Variants in ORC1 observed in about 807,000 individuals in gnomAD.
The protein encoded by ORC1 is origin recognition complex subunit 1, also known as origin recognition complex, subunit 1 homolog.
ORC1 carries 61 observed loss-of-function variants against 98.9 expected under a neutral mutation model. The ratio of observed to expected loss-of-function variants is 0.62; its 90% confidence interval spans 0.50 to 0.76. The LOEUF (loss-of-function observed/expected upper bound fraction) is 0.76. Ranked by LOEUF, ORC1 falls within the 30% of genes least tolerant of loss-of-function variation. The pLI, the probability that ORC1 is intolerant of heterozygous loss-of-function variation, is 0.00. For synonymous variants in ORC1, 385 were observed against 406.9 expected (o/e 0.95, Z 0.65); for missense variants, 979 against 1,072.2 (o/e 0.91, Z 1.21).
chr1:52,400,105 A>T (rs1647632297), intron 3 of ORC1, among the ~76,000 whole-genome samples: 1 of 152,154 alleles, frequency 6.6e-6, no homozygotes, highest in African/African-American at 2.4e-5. Flanking sequence ...ACTGGACATT[A>T]GTTTGATGAG....
At chr1:52,385,588 T>A (rs531824371) in intron 9 of ORC1, among the ~76,000 whole-genome samples, 35 of 152,226 alleles carry the variant, frequency 2.3e-4, no homozygotes, top group Non-Finnish European at 3.8e-4. Flanking sequence ...CTGTCCTGAC[T>A]AATCATCTTC....
chr1:52,402,361 T>TTAA (rs1647753719), intron 1 of ORC1, 133 bp from the exon 2 acceptor site: 18 of 722,480 alleles, frequency 2.5e-5, no homozygotes, highest in South Asian at 2.3e-4. Flanking sequence ...CTCCCATACA[T>TTAA]TTTAGACTAA....
At chr1:52,391,891 C>G (rs1312616936) in intron 6 of ORC1, among the ~76,000 whole-genome samples, 1 of 149,602 alleles carries the variant, frequency 6.7e-6, no homozygotes, top group East Asian at 2.0e-4. Flanking sequence ...GAGCAAGACT[C>G]CCGCTCAAAA....
intron 9 of ORC1, among the ~76,000 whole-genome samples, 161 bp downstream of exon 9, chr1:52,385,691 T>C (rs1647132775): frequency 6.6e-6 from 1 of 152,220 alleles, no homozygotes; most frequent in South Asian, 2.1e-4. Context: ...GAGAGGTTTC[T>C]TTTTTCTAAA....
chr1:52,396,028 A>G lies in ORC1; in HGVS notation c.721+18T>C, dbSNP rs1647375563. The G allele has an allele frequency of 6.2e-7, 1 of 1,614,130 alleles. No homozygotes were observed. The highest frequency in any genetic ancestry group is 1.1e-5 in the South Asian group (1 of 91,072). ...TTTAGCCCCAGTATTGCCCACGGTG[A>G]TCCATTCCACAACTTACTGCCAAGC... is the stretch of plus-strand genomic sequence containing the variant. On this transcript the variant is annotated intron_variant, in intron 5 of 16. Transcript: ENST00000371568.
chr1:52,399,623 C>CAAAAAA (rs1198516466), intron 3 of ORC1, among the ~76,000 whole-genome samples: 1 of 64,116 alleles, frequency 1.6e-5, no homozygotes, highest in Non-Finnish European at 3.3e-5. Flanking sequence ...GACTCTGTCT[C>CAAAAAA]AAAAAAAAAA....
upstream of ORC1, chr1:52,408,371 A>G (rs1000742463): frequency 2.8e-6 from 2 of 709,410 alleles, no homozygotes; most frequent in African/African-American, 3.5e-5. Flanking sequence ...CACAGCCATA[A>G]ATGGTAGCAT....
chr1:52,401,242 C>G, intron 3 of ORC1, 120 bp downstream of exon 3: 1 of 1,283,910 alleles, frequency 7.8e-7, no homozygotes, highest in Non-Finnish European at 1.1e-6. Flanking sequence ...CTAGTTCTTA[C>G]GTGATCCCAC....
intron 3 of ORC1, among the ~76,000 whole-genome samples, chr1:52,398,994 T>C (rs1417854631): frequency 6.6e-6 from 1 of 152,150 alleles, no homozygotes; most frequent in Non-Finnish European, 1.5e-5. Flanking sequence ...AAAGGTCACA[T>C]GACCAACTGC....
intron 8 of ORC1, among the ~76,000 whole-genome samples, chr1:52,387,599 A>G (rs1569930204): frequency 6.6e-6 from 1 of 152,184 alleles, no homozygotes; most frequent in Non-Finnish European, 1.5e-5. Flanking sequence ...CTGGGATTAC[A>G]GGCACCTGCC....
chr1:52,387,059 C>A (rs1647152008), intron 8 of ORC1, among the ~76,000 whole-genome samples: 2 of 152,126 alleles, frequency 1.3e-5, no homozygotes, highest in Admixed American at 1.3e-4. Context: ...GGCTTCTGCC[C>A]TTTTTTATTA....
intron 3 of ORC1, among the ~76,000 whole-genome samples, chr1:52,400,299 GCACGGATA>G (rs1412912761): frequency 1.3e-5 from 2 of 152,202 alleles, no homozygotes; most frequent in Non-Finnish European, 2.9e-5. Flanking sequence ...ATACTGTACA[GCACGGATA>G]CACTGGACAA....
chr1:52,394,090 C>T (rs1253846189), intron 5 of ORC1, among the ~76,000 whole-genome samples: 1 of 152,152 alleles, frequency 6.6e-6, no homozygotes, highest in Non-Finnish European at 1.5e-5. Flanking sequence ...CCTGAAATAA[C>T]CTATCAGAAC....
At chr1:52,376,948 C>CG (rs1647002519) in intron 14 of ORC1, among the ~76,000 whole-genome samples, 1 of 152,158 alleles carries the variant, frequency 6.6e-6, no homozygotes, top group Non-Finnish European at 1.5e-5. Context: ...TCACGCAGAA[C>CG]GGATGGCAGG....
Position 52,385,873 on chromosome 1 carries a change from A to T in ORC1, c.1460T>A (p.Val487Glu), listed in dbSNP as rs368524345. The change falls in exon 9 of 17, where the codon GTG becomes GAG. Residue 487 changes from valine (V) to glutamate (E), a missense_variant. Coordinates refer to ENST00000371568, the MANE Select transcript of ORC1 (RefSeq NM_004153.4). ...RSLAAQEPAS[V>E]LEEARLRLHV... is the part of the protein sequence containing the mutation. ...GTACCTCAGTCGGGCTTCCTCCAGC[A>T]CACTGGCTGGCTCCTGGGCAGCCAG... 1.9e-6 allele frequency: 3 copies of T among 1,613,588 alleles called. No individual in the cohort carries two copies. Among genetic ancestry groups the T allele is most frequent in the Non-Finnish European group, 2.5e-6 (3 of 1,179,770 alleles).
chr1:52,399,600 G>C (rs1459685864), intron 3 of ORC1, among the ~76,000 whole-genome samples: 1 of 144,084 alleles, frequency 6.9e-6, no homozygotes, highest in African/African-American at 2.6e-5. Context: ...CTCCAGACTG[G>C]GCGACACAGC....
Position 52,373,025 on chromosome 1 carries a change from G to C in ORC1, c.*156C>G. ...CATGTGCCTGTAGTTTCAGCCACCT[G>C]GGAGGATGAGGTTGGGGGGTCACCT... On this transcript the variant is annotated 3_prime_UTR_variant, in exon 17 of 17. Transcript: ENST00000371568. 2.5e-6 allele frequency: 2 copies of C among 796,388 alleles called. 1 individual carries two copies. Among genetic ancestry groups the C allele is most frequent in the South Asian group, 2.7e-5 (2 of 72,730 alleles). The allele number at this position is 796,388 out of a possible 1,614,324, so 49.3% of individuals were successfully genotyped here.
intron 1 of ORC1, among the ~76,000 whole-genome samples, 157 bp from the exon 2 acceptor site, chr1:52,402,385 T>C (rs929410359): frequency 1.3e-5 from 2 of 152,238 alleles, no homozygotes; most frequent in African/African-American, 4.8e-5. Flanking sequence ...AACATTTTAT[T>C]TGAAGTCATG....
At chr1:52,386,013 G>T in intron 8 of ORC1, 64 bp from the exon 9 acceptor site, 1 of 1,172,476 alleles carries the variant, frequency 8.5e-7, no homozygotes, top group Non-Finnish European at 1.3e-6. Flanking sequence ...GGACACACCA[G>T]CAAATGTGAT....
Sources: gnomAD v4.1 joint callset for allele counts (sites outside exome capture counted in the v4.1 genomes callset) on GRCh38, gnomAD v4.1.1 for gene constraint, MANE v1.5 for transcripts, NCBI Gene and HGNC (gene_info 2026-07-23, HGNC 2026-07-21) for gene names.